INPP4B: variants seen among roughly 807,000 people sequenced by gnomAD.
INPP4B encodes inositol polyphosphate 4-phosphatase type II.
A neutral mutation model predicts 122.5 loss-of-function variants in INPP4B; 55 were observed. The observed-to-expected ratio is 0.45, with a 90% CI of 0.36 to 0.56. The LOEUF is 0.56. Among genes scored for constraint, INPP4B ranks in the 20% least tolerant of loss-of-function variants. INPP4B has a pLI of 0.00. For missense variants in INPP4B, 1,000 were observed against 1,097.7 expected, an observed-to-expected ratio of 0.91 and a Z score of 1.26; for synonymous variants, 403 against 388.7, an observed-to-expected ratio of 1.04 and a Z score of -0.43.
At chr4:142,382,663 ATATATT>A (rs921343600) in intron 7 of INPP4B, among the ~76,000 whole-genome samples, 3 of 136,528 alleles carry the variant, frequency 2.2e-5, no homozygotes, top group Admixed American at 1.5e-4. Flanking sequence ...ATATTTATAT[ATATATT>A]TATATTTATA....
At chr4:142,246,024 G>GTACACACACGTGTGTGTA (rs1728356206) in intron 11 of INPP4B, among the ~76,000 whole-genome samples, 1 of 136,754 alleles carries the variant, frequency 7.3e-6, no homozygotes, top group Non-Finnish European at 1.5e-5. Flanking sequence ...ATGTGTGTAT[G>GTACACACACGTGTGTGTA]TACACACACG....
chr4:142,302,057 T>A (rs1469731551), intron 9 of INPP4B, among the ~76,000 whole-genome samples: 1 of 152,156 alleles, frequency 6.6e-6, no homozygotes, highest in African/African-American at 2.4e-5. Flanking sequence ...ATCAGGTTGG[T>A]AGAGCAAAGG....
chr4:142,816,960 C>A (rs543703604), intron 1 of INPP4B, among the ~76,000 whole-genome samples: 9 of 152,080 alleles, frequency 5.9e-5, no homozygotes, highest in Non-Finnish European at 1.2e-4. Flanking sequence ...CACAATGTGA[C>A]CTTAATTGGA....
chr4:142,133,959 T>A (rs1263795961), intron 18 of INPP4B, among the ~76,000 whole-genome samples: 1 of 152,164 alleles, frequency 6.6e-6, no homozygotes, highest in East Asian at 1.9e-4. Context: ...TTGCTCTATA[T>A]TTTTTTCTAC....
intron 15 of INPP4B, among the ~76,000 whole-genome samples, chr4:142,191,813 A>G (rs536375973): frequency 1.4e-4 from 22 of 152,308 alleles, no homozygotes; most frequent in African/African-American, 4.6e-4. Context: ...AAAATGAACA[A>G]AAAACTAGAA....
chr4:142,112,740 A>AT (rs1449840766), intron 21 of INPP4B, 58 bp from the exon 22 acceptor site: 1 of 1,525,968 alleles, frequency 6.6e-7, no homozygotes, highest in African/African-American at 1.4e-5. Context: ...GTGTTATTTT[A>AT]GATTTATTGG....
At chr4:142,788,845 A>G (rs894453796) in intron 1 of INPP4B, among the ~76,000 whole-genome samples, 1 of 152,074 alleles carries the variant, frequency 6.6e-6, no homozygotes, top group East Asian at 1.9e-4. Flanking sequence ...TATATACCAC[A>G]GTTTCTTTAT....
chr4:142,548,324 T>C (rs781007642), intron 2 of INPP4B, among the ~76,000 whole-genome samples: 2 of 152,094 alleles, frequency 1.3e-5, no homozygotes, highest in African/African-American at 2.4e-5. Flanking sequence ...CTTCTGTTAG[T>C]AATGGAACAA....
chr4:142,659,286 G>C (rs1333761241), intron 2 of INPP4B, among the ~76,000 whole-genome samples: 1 of 151,586 alleles, frequency 6.6e-6, no homozygotes. Context: ...GATGCCTGTA[G>C]TCCCAGCTAC....
At chr4:142,574,987 G>A (rs932135484) in intron 2 of INPP4B, among the ~76,000 whole-genome samples, 13 of 152,070 alleles carry the variant, frequency 8.5e-5, no homozygotes, top group Non-Finnish European at 2.9e-5. Context: ...AACCAGAACA[G>A]TTTCCCTAAA....
At chr4:142,681,089 C>T (rs1758552810) in intron 2 of INPP4B, among the ~76,000 whole-genome samples, 1 of 151,852 alleles carries the variant, frequency 6.6e-6, no homozygotes, top group Non-Finnish European at 1.5e-5. Flanking sequence ...AGTTTTCATT[C>T]AAGTCTATAT....
At chr4:142,382,006 T>C (rs1392349470) in intron 7 of INPP4B, among the ~76,000 whole-genome samples, 1 of 152,118 alleles carries the variant, frequency 6.6e-6, no homozygotes, top group African/African-American at 2.4e-5. Context: ...TCCTTGGCTA[T>C]TCTTGGATAT....
At chr4:142,563,272 G>T (rs1013473473) in intron 2 of INPP4B, among the ~76,000 whole-genome samples, 5 of 152,204 alleles carry the variant, frequency 3.3e-5, no homozygotes, top group African/African-American at 1.2e-4. Flanking sequence ...TCCACAGTTT[G>T]CTGTGTTTGA....
chr4:142,087,366 T>C (rs1172804132), intron 23 of INPP4B, among the ~76,000 whole-genome samples: 3 of 152,152 alleles, frequency 2.0e-5, no homozygotes, highest in Non-Finnish European at 4.4e-5. Context: ...AACTAAAGCA[T>C]GGGTAATAAA....
chr4:142,628,041 C>A (rs575267518), intron 2 of INPP4B, among the ~76,000 whole-genome samples: 1 of 151,982 alleles, frequency 6.6e-6, no homozygotes, highest in African/African-American at 2.4e-5. Context: ...TATTTGCGTA[C>A]CCAGCCATCC....
chr4:142,100,833 G>A (rs1221140943), intron 23 of INPP4B, among the ~76,000 whole-genome samples: 2 of 152,052 alleles, frequency 1.3e-5, no homozygotes, highest in Non-Finnish European at 2.9e-5. Flanking sequence ...AGAAAAAATG[G>A]CCACCTCTGA....
At chr4:142,030,114 A>C in intron 25 of INPP4B, 1 of 1,508,874 alleles carries the variant, frequency 6.6e-7, no homozygotes, top group Non-Finnish European at 8.9e-7. Context: ...AGAAAAAGGA[A>C]TACAACATAA....
chr4:142,328,018 T>C (rs918502527), intron 7 of INPP4B, among the ~76,000 whole-genome samples: 7 of 152,158 alleles, frequency 4.6e-5, no homozygotes, highest in African/African-American at 1.7e-4. Flanking sequence ...AGATCCCAGT[T>C]TTCCTGAAAC....
intron 10 of INPP4B, among the ~76,000 whole-genome samples, chr4:142,268,322 C>CAAAAAA (rs56908599): frequency 0.24 from 1,648 of 6,874 alleles, 593 homozygotes; most frequent in Middle Eastern, 0.67. Flanking sequence ...GACTCCGTCT[C>CAAAAAA]AAAAAAAAAA....
Sources: allele counts gnomAD v4.1 joint callset (sites outside exome capture counted in the v4.1 genomes callset), GRCh38; gene constraint gnomAD v4.1.1; transcripts MANE v1.5; gene names NCBI Gene and HGNC (gene_info 2026-07-23, HGNC 2026-07-21).